The following ABCA10 variants were observed in gnomAD, a reference collection of about 807,000 sequenced individuals.
ABCA10 encodes ATP binding cassette subfamily A member 10.
ABCA10 carries 169 observed loss-of-function variants against 187.5 expected under a neutral mutation model. That is an observed-to-expected ratio of 0.90 (90% confidence interval 0.80 to 1.02). The LOEUF is 1.02. Ranked by LOEUF, ABCA10 falls within the 50% of genes least tolerant of loss-of-function variation. The pLI, the probability that ABCA10 is intolerant of heterozygous loss-of-function variation, is 0.00. For missense variants in ABCA10, 1,727 were observed against 1,812.4 expected, an observed-to-expected ratio of 0.95 and a Z score of 0.86; for synonymous variants, 574 against 601.8, an observed-to-expected ratio of 0.95 and a Z score of 0.68.
At chr17:69,225,879 C>T (rs1188787348) in intron 2 of ABCA10, among the ~76,000 whole-genome samples, 3 of 151,980 alleles carry the variant, frequency 2.0e-5, no homozygotes, top group African/African-American at 7.2e-5. Flanking sequence ...AGAATTGGAT[C>T]CTGCTTTTAG....
intron 5 of ABCA10, among the ~76,000 whole-genome samples, 178 bp from the exon 6 acceptor site, chr17:69,219,949 T>A (rs182650147): frequency 6.6e-6 from 1 of 152,278 alleles, no homozygotes; most frequent in African/African-American, 2.4e-5. Context: ...ATTATAAGAG[T>A]CATTTGAGAA....
rs1290361050 is a variant in ABCA10 at position 69,225,376 on chromosome 17, T to A, written c.-18A>T. 1.4e-5 allele frequency: 23 copies of A among 1,612,836 alleles called. No homozygotes were observed. Among genetic ancestry groups the A allele is most frequent in the Non-Finnish European group, 2.0e-5 (23 of 1,179,250 alleles). On this transcript the variant is annotated 5_prime_UTR_variant, in exon 3 of 39. Coordinates refer to ENST00000690296, the MANE Select transcript of ABCA10 (RefSeq NM_001377321.1). ...TTATTCATTATCCTTTGTGTTATGT[T>A]ACTGACTGGTGTATATGCCACTACC...
chr17:69,193,345 A>C, intron 14 of ABCA10, 97 bp from the exon 15 acceptor site: 1 of 1,534,916 alleles, frequency 6.5e-7, no homozygotes, highest in Non-Finnish European at 8.8e-7. Flanking sequence ...ACTCAAATAC[A>C]GTCCTCCACC....
chr17:69,214,464 G>A (rs930984207), intron 9 of ABCA10, among the ~76,000 whole-genome samples: 1 of 150,184 alleles, frequency 6.7e-6, no homozygotes, highest in African/African-American at 2.5e-5. Flanking sequence ...GCAGTGAGCC[G>A]AGATCCCGCC....
At chr17:69,184,843 ATGTATATGTGTG>A (rs2074407634) in intron 20 of ABCA10, among the ~76,000 whole-genome samples, 1 of 96,502 alleles carries the variant, frequency 1.0e-5, no homozygotes, top group African/African-American at 3.5e-5. Flanking sequence ...TTATATATAT[ATGTATATGTGTG>A]TGTGTGTGTG....
chr17:69,218,371 A>G (rs2074721687), intron 6 of ABCA10, among the ~76,000 whole-genome samples: 1 of 152,082 alleles, frequency 6.6e-6, no homozygotes, highest in Non-Finnish European at 1.5e-5. Context: ...TTTATTGTTT[A>G]TAAGTTATAG....
intron 6 of ABCA10, among the ~76,000 whole-genome samples, chr17:69,218,057 A>G (rs941709270): frequency 2.0e-5 from 3 of 152,284 alleles, no homozygotes; most frequent in Non-Finnish European, 4.4e-5. Flanking sequence ...GGATATTCCA[A>G]TTGTTCTGAT....
At position 69,242,032 on chromosome 17, in the gene ABCA10, G is replaced by A. The variant is rs148035159; in HGVS notation, c.-593+2497C>T. 7.3e-4 allele frequency among the ~76,000 whole-genome samples: 111 copies of A among 152,198 alleles called. 2 individuals are homozygous for A. The East Asian group carries it at 0.018, about 25-fold the overall frequency. On this transcript the variant is annotated intron_variant, in intron 1 of 39. Transcript: ENST00000269081. ...TAAAGAATTAGAAGATACAGATAAG[G>A]CCTTTTAAAATTAGCAGATATGATA...
intron 9 of ABCA10, among the ~76,000 whole-genome samples, chr17:69,207,279 C>T (rs1466394883): frequency 6.6e-6 from 1 of 152,078 alleles, no homozygotes; most frequent in Non-Finnish European, 1.5e-5. Context: ...GGAAGCCTTG[C>T]CACTGTTGGT....
In ABCA10 at chr17:69,219,632, A is replaced by AT. The variant is rs749719859; in HGVS notation, c.442dup (p.Ile148AsnfsTer16). 1 of 1,611,092 alleles carries AT rather than the reference A, an allele frequency of 6.2e-7. No homozygotes were observed. Among genetic ancestry groups the AT allele is most frequent in the Non-Finnish European group, 8.5e-7 (1 of 1,178,866 alleles). ...TGCAACATTTAATGATGCAAAGTATATAAAAGAAGAGAAAGAAACTAAGCA... is the reference window on the plus strand; with the variant it reads ...TGCAACATTTAATGATGCAAAGTATATTAAAAGAAGAGAAAGAAACTAAGCA... On this transcript the variant is annotated frameshift_variant, in exon 6 of 39. Transcript: ENST00000690296. LOFTEE classifies it high-confidence loss of function.
chr17:69,202,760 G>C (rs1442368234), intron 9 of ABCA10, among the ~76,000 whole-genome samples: 2 of 131,686 alleles, frequency 1.5e-5, no homozygotes, highest in Non-Finnish European at 3.2e-5. Context: ...ATTAAAAATG[G>C]CTTGACAGTT....
At chr17:69,209,465 G>C (rs1412019310) in intron 9 of ABCA10, among the ~76,000 whole-genome samples, 2 of 152,096 alleles carry the variant, frequency 1.3e-5, no homozygotes, top group Admixed American at 1.3e-4. Context: ...GAAGCATAGG[G>C]ACTAAACTGT....
intron 22 of ABCA10, among the ~76,000 whole-genome samples, chr17:69,180,747 T>G (rs1185322862): frequency 6.6e-6 from 1 of 152,190 alleles, no homozygotes; most frequent in African/African-American, 2.4e-5. Flanking sequence ...TACTTACAAT[T>G]AAATCACCCT....
chr17:69,229,545 T>C (rs2074817238), upstream of ABCA10, among the ~76,000 whole-genome samples: 1 of 152,014 alleles, frequency 6.6e-6, no homozygotes. Context: ...TTAACTATAA[T>C]AATACACTTC....
intron 1 of ABCA10, among the ~76,000 whole-genome samples, chr17:69,243,886 A>T (rs2074922603): frequency 6.6e-6 from 1 of 152,226 alleles, no homozygotes; most frequent in Non-Finnish European, 1.5e-5. Context: ...CAGCAAAGTG[A>T]GACCCTATCT....
chr17:69,232,421 G>A (rs2190899), upstream of ABCA10, among the ~76,000 whole-genome samples: 151,498 of 152,070 alleles, frequency 1, 75,467 homozygotes, highest in East Asian at 1. Flanking sequence ...TGTGGTTACC[G>A]TAAGGCTGAC....
At chr17:69,223,271 A>T (rs2074764845) in intron 3 of ABCA10, among the ~76,000 whole-genome samples, 1 of 133,798 alleles carries the variant, frequency 7.5e-6, no homozygotes, top group South Asian at 2.1e-4. Flanking sequence ...CAAGATTATA[A>T]ACTGATATCA....
intron 18 of ABCA10, among the ~76,000 whole-genome samples, chr17:69,189,045 C>T (rs766555139): frequency 1.1e-4 from 17 of 152,150 alleles, no homozygotes; most frequent in Non-Finnish European, 2.4e-4. Context: ...TGGCTATATA[C>T]TCAGTAATGG....
At chr17:69,240,744 G>A (rs1282491639) in intron 1 of ABCA10, among the ~76,000 whole-genome samples, 2 of 152,202 alleles carry the variant, frequency 1.3e-5, no homozygotes, top group Non-Finnish European at 2.9e-5. Context: ...TCCCAGCAGT[G>A]CTTTCCCAAG....
Sources: gnomAD v4.1 joint callset for allele counts (sites outside exome capture counted in the v4.1 genomes callset) on GRCh38, gnomAD v4.1.1 for gene constraint, MANE v1.5 for transcripts, NCBI Gene and HGNC (gene_info 2026-07-23, HGNC 2026-07-21) for gene names.